The following CCDC83 variants were observed in gnomAD, a reference collection of about 807,000 sequenced individuals.
The protein encoded by CCDC83 is coiled-coil domain-containing protein 83.
CCDC83 carries 54 observed loss-of-function variants against 50.1 expected under a neutral mutation model. The ratio of observed to expected loss-of-function variants is 1.08; its 90% CI spans 0.87 to 1.35. The LOEUF (loss-of-function observed/expected upper bound fraction) is 1.35. Ranked by LOEUF, CCDC83 falls within the 40% of genes most tolerant of loss-of-function variation. The pLI, the probability that CCDC83 is intolerant of heterozygous loss-of-function variation, is 0.00. For synonymous variants in CCDC83, 161 were observed against 153.3 expected (o/e 1.05, Z -0.37); for missense variants, 518 against 473.9 (o/e 1.09, Z -0.86).
chr11:85,882,176 T>C (rs1199426568), intron 3 of CCDC83, among the ~76,000 whole-genome samples: 5 of 152,154 alleles, frequency 3.3e-5, no homozygotes, highest in African/African-American at 9.7e-5. Flanking sequence ...GTCAGCCACC[T>C]TAGTATTGGC....
intron 9 of CCDC83, 73 bp downstream of exon 9, chr11:85,915,571 A>G (rs764441338): frequency 1.0e-5 from 11 of 1,069,658 alleles, no homozygotes; most frequent in South Asian, 1.4e-5. Context: ...ACACTTACCT[A>G]TTGTGAGCAG....
chr11:85,888,139 C>A (rs981918234), intron 5 of CCDC83, among the ~76,000 whole-genome samples: 1 of 152,074 alleles, frequency 6.6e-6, no homozygotes, highest in Admixed American at 6.6e-5. Context: ...GACAAATATT[C>A]TTGTATTTAT....
intron 7 of CCDC83, among the ~76,000 whole-genome samples, chr11:85,909,367 T>C (rs2093441554): frequency 6.6e-6 from 1 of 152,184 alleles, no homozygotes. Flanking sequence ...AAGACTTTTA[T>C]TACTTCCTCC....
At chr11:85,875,506 T>A (rs2093264256) in intron 3 of CCDC83, among the ~76,000 whole-genome samples, 1 of 152,240 alleles carries the variant, frequency 6.6e-6, no homozygotes, top group African/African-American at 2.4e-5. Flanking sequence ...CTGGAATGCT[T>A]TTTTCTTGGT....
chr11:85,882,497 T>C lies in CCDC83; in HGVS notation c.181-16T>C. Reference sequence around the variant, plus strand: ...ATAGTTGATCAAACGTGAATTACTGTTGATTTTCATGACAGAATAGCCGCT... The same window carrying C: ...ATAGTTGATCAAACGTGAATTACTGCTGATTTTCATGACAGAATAGCCGCT... On this transcript the variant is annotated splice_polypyrimidine_tract_variant and intron_variant, in intron 3 of 10. Coordinates refer to ENST00000342404, the MANE Select transcript of CCDC83 (RefSeq NM_001286159.2). 1.2e-6 allele frequency: 2 copies of C among 1,611,798 alleles called. No homozygotes were observed. Among genetic ancestry groups the C allele is most frequent in the Non-Finnish European group, 1.7e-6 (2 of 1,178,822 alleles).
In CCDC83 at chr11:85,895,284, TTTTTA is replaced by T. The variant is rs1460505612; in HGVS notation, c.512-8_512-4del. On this transcript the variant is annotated splice_region_variant and splice_polypyrimidine_tract_variant and intron_variant, in intron 5 of 10. Coordinates refer to ENST00000342404, the MANE Select transcript of CCDC83 (RefSeq NM_001286159.2). ...ATTTTCTTTTTTTTTTTTTTTTTTT[TTTTTA>T]AAGAACACTATAAAATCACTCTGGA... 1 of 936,054 alleles carries T rather than the reference TTTTTA, an allele frequency of 1.1e-6. No homozygotes were observed. Among genetic ancestry groups the T allele is most frequent in the Non-Finnish European group, 1.6e-6 (1 of 632,650 alleles). 58.0% of individuals were successfully genotyped at this position (936,054 alleles called of 1,614,324 possible).
intron 8 of CCDC83, among the ~76,000 whole-genome samples, chr11:85,913,653 TAG>T (rs1477028340): frequency 6.6e-6 from 1 of 152,236 alleles, no homozygotes; most frequent in Non-Finnish European, 1.5e-5. Flanking sequence ...TTGTGGTTAA[TAG>T]AGTTACCACA....
chr11:85,898,863 G>T, intron 6 of CCDC83, 84 bp from the exon 7 acceptor site: 1 of 916,140 alleles, frequency 1.1e-6, no homozygotes, highest in South Asian at 1.4e-5. Context: ...TAAAATGAAT[G>T]ATCAGAATAA....
chr11:85,907,165 T>G (rs2093429650), intron 7 of CCDC83, among the ~76,000 whole-genome samples: 1 of 152,186 alleles, frequency 6.6e-6, no homozygotes, highest in Non-Finnish European at 1.5e-5. Context: ...TCTCCATTTA[T>G]CTCTCAGCAA....
At chr11:85,875,213 C>A (rs1744461901) in intron 3 of CCDC83, among the ~76,000 whole-genome samples, 2 of 152,118 alleles carry the variant, frequency 1.3e-5, no homozygotes, top group African/African-American at 2.4e-5. Flanking sequence ...GTGTAGAAAA[C>A]CAATTAGGAA....
intron 7 of CCDC83, among the ~76,000 whole-genome samples, chr11:85,911,069 G>T (rs1018546852): frequency 1.3e-5 from 2 of 151,730 alleles, no homozygotes; most frequent in African/African-American, 4.8e-5. Flanking sequence ...TACTCAGGAG[G>T]CTGAGGCAGG....
chr11:85,902,065 G>T (rs1037474820), intron 7 of CCDC83, among the ~76,000 whole-genome samples: 1 of 144,520 alleles, frequency 6.9e-6, no homozygotes, highest in Admixed American at 7.0e-5. Context: ...ATAGAGGGAA[G>T]GGAATCATCA....
intron 2 of CCDC83, among the ~76,000 whole-genome samples, chr11:85,865,986 T>C (rs2093204720): frequency 6.6e-6 from 1 of 152,090 alleles, no homozygotes; most frequent in Non-Finnish European, 1.5e-5. Context: ...ACATTATTCC[T>C]AAATGGCTAC....
chr11:85,907,232 C>T (rs1045414521), intron 7 of CCDC83, among the ~76,000 whole-genome samples: 1 of 151,954 alleles, frequency 6.6e-6, no homozygotes, highest in African/African-American at 2.4e-5. Context: ...ACATGATTAT[C>T]TTTTTTTGTT....
Position 85,872,408 on chromosome 11 carries a change from C to T in CCDC83, c.96-803C>T, listed in dbSNP as rs772176031. Among the ~76,000 whole-genome samples, 5 of 152,058 alleles carry T rather than the reference C, an allele frequency of 3.3e-5. No individual in the cohort carries two copies. In the South Asian group the frequency reaches 8.3e-4, roughly 25 times the overall value. ...GCTGAGGCAGGACAATCGCTTGAACCCAGGAGGCAGAGGTTGCAGTCAGCC... is the reference window on the plus strand; with the variant it reads ...GCTGAGGCAGGACAATCGCTTGAACTCAGGAGGCAGAGGTTGCAGTCAGCC... On this transcript the variant is annotated intron_variant, in intron 2 of 10. Coordinates refer to ENST00000342404, the MANE Select transcript of CCDC83 (RefSeq NM_001286159.2).
chr11:85,917,689 T>C (rs1186877740), intron 10 of CCDC83, among the ~76,000 whole-genome samples: 1 of 152,192 alleles, frequency 6.6e-6, no homozygotes, highest in Non-Finnish European at 1.5e-5. Context: ...CAGAAGAAAC[T>C]GAATAAACCA....
intron 7 of CCDC83, among the ~76,000 whole-genome samples, chr11:85,908,590 GATAGAT>G (rs2093436550): frequency 1.3e-5 from 2 of 149,090 alleles, no homozygotes; most frequent in Admixed American, 1.4e-4. Context: ...TAGATAGATA[GATAGAT>G]AGATAGATAG....
chr11:85,919,150 G>T (rs918597404), intron 10 of CCDC83, among the ~76,000 whole-genome samples, 199 bp from the exon 11 acceptor site: 2 of 152,144 alleles, frequency 1.3e-5, no homozygotes, highest in African/African-American at 4.8e-5. Flanking sequence ...GCCCTACTGG[G>T]TATATAAGTT....
intron 8 of CCDC83, chr11:85,912,519 G>A (rs548319647): frequency 1.5e-6 from 1 of 682,894 alleles, no homozygotes; most frequent in East Asian, 2.5e-5. Flanking sequence ...GAGGCTGAAT[G>A]AGGATTGATT....
Sources: gnomAD v4.1 joint callset for allele counts (sites outside exome capture counted in the v4.1 genomes callset) on GRCh38, gnomAD v4.1.1 for gene constraint, MANE v1.5 for transcripts, NCBI Gene and HGNC (gene_info 2026-07-23, HGNC 2026-07-21) for gene names.